Variants in CDC14A observed in about 807,000 individuals in gnomAD.
CDC14A encodes the protein dual specificity protein phosphatase CDC14A.
In CDC14A, 53 loss-of-function variants were observed where a neutral mutation model predicts 74.4. That is an observed-to-expected ratio of 0.71 (90% confidence interval 0.57 to 0.89). CDC14A has a LOEUF of 0.89. CDC14A is among the 40% of genes least tolerant of loss of function. The pLI is 0.00. For synonymous variants in CDC14A, 247 were observed against 258.4 expected (o/e 0.96, Z 0.43); for missense variants, 646 against 713.7 (o/e 0.91, Z 1.08).
At chr1:100,402,570 A>G (rs911376894) in intron 4 of CDC14A, among the ~76,000 whole-genome samples, 1 of 152,228 alleles carries the variant, frequency 6.6e-6, no homozygotes, top group Non-Finnish European at 1.5e-5. Context: ...CCACTTTTGC[A>G]AGACTGGTGA....
intron 12 of CDC14A, 54 bp from the exon 13 acceptor site, chr1:100,495,948 T>C: frequency 6.8e-7 from 1 of 1,471,912 alleles, no homozygotes; most frequent in Non-Finnish European, 9.5e-7. Context: ...CTTGTGGTCT[T>C]TGTGAAAACG....
At chr1:100,379,432 T>C (rs115799379) in intron 3 of CDC14A, among the ~76,000 whole-genome samples, 119 of 152,354 alleles carry the variant, frequency 7.8e-4, no homozygotes, top group African/African-American at 2.8e-3. Flanking sequence ...CATTACTTGC[T>C]GAATGATTGA....
rs747462956 is a variant in CDC14A, at chr1:100,377,604, C to T, written c.199C>T (p.Leu67=). The T allele has an allele frequency of 1.2e-6, 2 of 1,611,914 alleles. No homozygotes were observed. Among genetic ancestry groups the T allele is most frequent in the African/African-American group, 2.7e-5 (2 of 74,852 alleles). Residue 67 remains leucine (L), a synonymous_variant, in exon 3 of 16, where the codon CTA becomes TTA. Coordinates refer to ENST00000336454, the MANE Select transcript of CDC14A (RefSeq NM_003672.4). The part of the protein sequence containing the change: ...LAMVYRYCCK[L]NKKLKSYSLS... The stretch of plus-strand genomic sequence containing the variant: ...AATGGTGTACAGATATTGCTGCAAA[C>T]TAAACAAGAAACTAAAAGTGAGTAT...
upstream of CDC14A, among the ~76,000 whole-genome samples, chr1:100,348,920 T>A (rs1650666849): frequency 6.6e-6 from 1 of 152,128 alleles, no homozygotes; most frequent in African/African-American, 2.4e-5. Context: ...TCAGGGCGAG[T>A]GCAGTGGCTC....
At chr1:100,495,346 C>T (rs775981234) in intron 12 of CDC14A, among the ~76,000 whole-genome samples, 1 of 152,194 alleles carries the variant, frequency 6.6e-6, no homozygotes, top group East Asian at 1.9e-4. Context: ...CTCAGCTTTA[C>T]CTTCTATTTT....
intron 2 of CDC14A, among the ~76,000 whole-genome samples, chr1:100,360,348 CTT>C (rs60630066): frequency 1.5e-4 from 22 of 144,740 alleles, no homozygotes; most frequent in Non-Finnish European, 2.4e-4. Context: ...ATAGTTAGTT[CTT>C]TTTTTTTTTT....
chr1:100,504,782 C>G (rs1323282267), intron 15 of CDC14A: 1 of 1,497,112 alleles, frequency 6.7e-7, no homozygotes, highest in Admixed American at 2.0e-5. Context: ...CAGCATTTAC[C>G]TTGCTTATTC....
At chr1:100,401,683 C>T (rs1659277125) in intron 4 of CDC14A, among the ~76,000 whole-genome samples, 1 of 152,122 alleles carries the variant, frequency 6.6e-6, no homozygotes, top group Admixed American at 6.5e-5. Flanking sequence ...GTATTTGCTA[C>T]TAAGTGTCAA....
intron 4 of CDC14A, among the ~76,000 whole-genome samples, chr1:100,416,724 C>T (rs1355231761): frequency 6.6e-6 from 1 of 152,050 alleles, no homozygotes; most frequent in African/African-American, 2.4e-5. Flanking sequence ...TTTTGTTGTC[C>T]CTTGCTGTAG....
chr1:100,432,785 C>G (rs536822581), intron 5 of CDC14A, among the ~76,000 whole-genome samples: 5 of 152,106 alleles, frequency 3.3e-5, no homozygotes, highest in Non-Finnish European at 7.4e-5. Context: ...ACATGAGGCT[C>G]TCTTTTGAGG....
intron 2 of CDC14A, among the ~76,000 whole-genome samples, chr1:100,355,673 T>A (rs1285441098): frequency 6.6e-6 from 1 of 152,204 alleles, no homozygotes; most frequent in Admixed American, 6.5e-5. Context: ...AGTTTGAACT[T>A]ACCCTACTGT....
chr1:100,462,581 G>A (rs1667415279), intron 8 of CDC14A, 70 bp from the exon 9 acceptor site: 1 of 1,181,944 alleles, frequency 8.5e-7, no homozygotes. Context: ...TCATTGTTGA[G>A]AGTTTTGTAT....
intron 3 of CDC14A, among the ~76,000 whole-genome samples, chr1:100,379,269 T>G (rs1655756254): frequency 6.6e-6 from 1 of 152,250 alleles, no homozygotes; most frequent in Non-Finnish European, 1.5e-5. Context: ...AGTATATGTA[T>G]GTAAACTTGT....
chr1:100,378,165 A>G (rs1186450519), intron 3 of CDC14A, among the ~76,000 whole-genome samples: 4 of 152,196 alleles, frequency 2.6e-5, no homozygotes, highest in African/African-American at 9.6e-5. Context: ...TTTAGTATTC[A>G]TCTATAGTTT....
chr1:100,483,411 TA>T (rs1196421678), intron 10 of CDC14A, among the ~76,000 whole-genome samples: 1 of 152,214 alleles, frequency 6.6e-6, no homozygotes, highest in African/African-American at 2.4e-5. Context: ...CCTGTTGCTT[TA>T]AAAAATATCT....
At chr1:100,491,208 T>C (rs1360004254) in intron 11 of CDC14A, among the ~76,000 whole-genome samples, 1 of 152,108 alleles carries the variant, frequency 6.6e-6, no homozygotes, top group Non-Finnish European at 1.5e-5. Context: ...AAATTTGCCC[T>C]GAAAAACTTC....
intron 10 of CDC14A, among the ~76,000 whole-genome samples, chr1:100,475,743 G>T (rs1668828244): frequency 6.6e-6 from 1 of 152,132 alleles, no homozygotes; most frequent in Non-Finnish European, 1.5e-5. Context: ...ACTGAAGGGT[G>T]TTGGTGAAAG....
At chr1:100,428,924 T>C (rs1432081945) in intron 5 of CDC14A, among the ~76,000 whole-genome samples, 1 of 152,082 alleles carries the variant, frequency 6.6e-6, no homozygotes, top group Non-Finnish European at 1.5e-5. Flanking sequence ...AAATGACATA[T>C]AGGCCGGGCG....
At chr1:100,468,649 T>A (rs1042169170) in intron 10 of CDC14A, among the ~76,000 whole-genome samples, 1 of 152,252 alleles carries the variant, frequency 6.6e-6, no homozygotes, top group Non-Finnish European at 1.5e-5. Context: ...AGAATACTTA[T>A]GTATTCACTC....
Sources: gnomAD v4.1 joint callset for allele counts (sites outside exome capture counted in the v4.1 genomes callset) on GRCh38, gnomAD v4.1.1 for gene constraint, MANE v1.5 for transcripts, NCBI Gene and HGNC (gene_info 2026-07-23, HGNC 2026-07-21) for gene names.